Variants in UPP2 observed in about 807,000 individuals in gnomAD.
UPP2 encodes UPase 2.
A neutral mutation model predicts 26.7 loss-of-function variants in UPP2; 23 were observed. That is an observed-to-expected ratio of 0.86 (90% confidence interval 0.62 to 1.22). The LOEUF is 1.22. Among genes scored for constraint, UPP2 ranks in the 50% most tolerant of loss-of-function variants. The pLI is 0.00. For synonymous variants in UPP2, 127 were observed against 141.3 expected (o/e 0.90, Z 0.72); for missense variants, 387 against 396.7 (o/e 0.98, Z 0.21).
chr2:158,081,422 A>C (rs1682725013), intron 3 of UPP2, among the ~76,000 whole-genome samples: 1 of 152,152 alleles, frequency 6.6e-6, no homozygotes, highest in East Asian at 1.9e-4. Flanking sequence ...TCCTCAAAAA[A>C]CTAAAAATAG....
chr2:158,069,474 T>C (rs1471749970), intron 3 of UPP2, among the ~76,000 whole-genome samples: 1 of 152,234 alleles, frequency 6.6e-6, no homozygotes, highest in African/African-American at 2.4e-5. Context: ...AAAGCTTCTC[T>C]AGTGCCCAGC....
intron 3 of UPP2, among the ~76,000 whole-genome samples, chr2:158,018,150 C>T (rs143943759): frequency 5.3e-5 from 8 of 152,308 alleles, no homozygotes; most frequent in African/African-American, 1.9e-4. Flanking sequence ...AACAGCCTCT[C>T]GTATGTGGTG....
At chr2:158,040,467 G>A (rs1243152080) in intron 3 of UPP2, among the ~76,000 whole-genome samples, 1 of 152,186 alleles carries the variant, frequency 6.6e-6, no homozygotes, top group East Asian at 1.9e-4. Flanking sequence ...AGGCTTAAAT[G>A]TGCTGGATAA....
Position 158,134,961 on chromosome 2 carries a change from T to G in UPP2, c.*71T>G. The G allele has an allele frequency of 6.7e-7, 1 of 1,490,334 alleles. No homozygotes were observed. Among genetic ancestry groups the G allele is most frequent in the Non-Finnish European group, 9.0e-7 (1 of 1,114,340 alleles). The allele number at this position is 1,490,334 out of a possible 1,614,324, so 92.3% of individuals were successfully genotyped here. On this transcript the variant is annotated 3_prime_UTR_variant, in exon 7 of 7. Transcript: ENST00000005756. The stretch of plus-strand genomic sequence containing the variant: ...CAAGTTGTAATGTGAAAGTCATATT[T>G]TATTTGTGGCATTTTTATATAGTTC...
chr2:158,008,433 A>G (rs1051987926), intron 2 of UPP2, among the ~76,000 whole-genome samples: 1 of 152,236 alleles, frequency 6.6e-6, no homozygotes, highest in Admixed American at 6.5e-5. Context: ...AATTGCTTTT[A>G]CCAGTTACAG....
At chr2:158,133,293 T>C (rs1263152) in intron 6 of UPP2, among the ~76,000 whole-genome samples, 67,391 of 152,072 alleles carry the variant, frequency 0.44, 16,482 homozygotes, top group Non-Finnish European at 0.55. Flanking sequence ...TGTATGATTT[T>C]ACTTATATGT....
intron 2 of UPP2, among the ~76,000 whole-genome samples, chr2:158,006,734 C>G (rs910855439): frequency 6.6e-6 from 1 of 152,210 alleles, no homozygotes; most frequent in Non-Finnish European, 1.5e-5. Context: ...TCTTCCTAGG[C>G]ATACTCGAGG....
intron 3 of UPP2, among the ~76,000 whole-genome samples, chr2:158,055,427 C>A (rs148315712): frequency 6.6e-6 from 1 of 152,110 alleles, no homozygotes; most frequent in South Asian, 2.1e-4. Flanking sequence ...GAATTTTGCA[C>A]GGGACATTCA....
intron 3 of UPP2, among the ~76,000 whole-genome samples, chr2:158,054,890 C>T (rs998445272): frequency 6.6e-6 from 1 of 152,056 alleles, no homozygotes; most frequent in African/African-American, 2.4e-5. Flanking sequence ...ATTATCACCA[C>T]CATCCATCTC....
intron 3 of UPP2, among the ~76,000 whole-genome samples, chr2:158,079,143 C>T (rs1050446875): frequency 6.6e-6 from 1 of 152,008 alleles, no homozygotes; most frequent in African/African-American, 2.4e-5. Context: ...CTGAGGCCTC[C>T]CCAGCCATGT....
At chr2:158,133,585 C>G (rs1683869356) in intron 6 of UPP2, 1 of 152,138 alleles carries the variant, frequency 6.6e-6, no homozygotes, top group Non-Finnish European at 1.5e-5. Context: ...AATCATTTCA[C>G]AATGTATACA....
rs184178779 is a variant in UPP2, at chr2:158,115,615, A to G, written c.339+356A>G. 2.6e-5 allele frequency among the ~76,000 whole-genome samples: 4 copies of G among 152,280 alleles called. No homozygotes were observed. The East Asian group carries it at 7.7e-4, about 29-fold the overall frequency. The stretch of plus-strand genomic sequence containing the variant: ...GTTGAGCTTTTAGTACACAGAGGCT[A>G]ATTTTCAGGACTGCTAAAGTGCTGC... On this transcript the variant is annotated intron_variant, in intron 3 of 6. Coordinates refer to ENST00000005756, the MANE Select transcript of UPP2 (RefSeq NM_173355.4).
chr2:158,043,844 T>C (rs142081036), intron 3 of UPP2, among the ~76,000 whole-genome samples: 3,353 of 152,286 alleles, frequency 0.022, 55 homozygotes, highest in Middle Eastern at 0.054. Flanking sequence ...GAATCTGATA[T>C]CATGGTGTGA....
chr2:158,121,199 C>T (rs1364739287), intron 4 of UPP2, among the ~76,000 whole-genome samples: 1 of 151,988 alleles, frequency 6.6e-6, no homozygotes, highest in Non-Finnish European at 1.5e-5. Context: ...TAAACCCCAT[C>T]ACATTGTAAA....
At chr2:158,112,498 TG>T (rs1454686723) in intron 2 of UPP2, among the ~76,000 whole-genome samples, 1 of 152,046 alleles carries the variant, frequency 6.6e-6, no homozygotes, top group Non-Finnish European at 1.5e-5. Flanking sequence ...TTCTATAAAA[TG>T]TTAGAAGAAA....
At chr2:158,083,790 G>T (rs1279717618) in intron 3 of UPP2, among the ~76,000 whole-genome samples, 1 of 148,596 alleles carries the variant, frequency 6.7e-6, no homozygotes, top group Non-Finnish European at 1.5e-5. Context: ...GTATTCCATG[G>T]TGTATATATA....
chr2:158,034,534 TGACA>T (rs1202492989), intron 3 of UPP2, among the ~76,000 whole-genome samples: 2 of 152,176 alleles, frequency 1.3e-5, no homozygotes, highest in African/African-American at 4.8e-5. Flanking sequence ...AGAGGAGATG[TGACA>T]GACAGAGGGC....
chr2:158,090,290 C>A (rs980074885), intron 3 of UPP2, among the ~76,000 whole-genome samples: 2 of 151,994 alleles, frequency 1.3e-5, no homozygotes, highest in African/African-American at 4.8e-5. Context: ...ATCACGAGGT[C>A]GGGGATCTAG....
intron 3 of UPP2, among the ~76,000 whole-genome samples, chr2:158,026,008 A>T (rs764009802): frequency 9.2e-5 from 14 of 152,170 alleles, no homozygotes; most frequent in Non-Finnish European, 1.6e-4. Flanking sequence ...CCACCAGGAC[A>T]TAAGAGGTGG....
Sources: gnomAD v4.1 joint callset for allele counts (sites outside exome capture counted in the v4.1 genomes callset) on GRCh38, gnomAD v4.1.1 for gene constraint, MANE v1.5 for transcripts, NCBI Gene and HGNC (gene_info 2026-07-23, HGNC 2026-07-21) for gene names.